The following RFWD3 variants were observed in gnomAD, a reference collection of about 807,000 sequenced individuals.
The protein encoded by RFWD3 is E3 ubiquitin-protein ligase RFWD3.
RFWD3 carries 65 observed loss-of-function variants against 87.7 expected under a neutral mutation model. That is an observed-to-expected ratio of 0.74 (90% CI 0.61 to 0.91). The LOEUF (loss-of-function observed/expected upper bound fraction) is 0.91. Ranked by LOEUF, RFWD3 falls within the 40% of genes least tolerant of loss-of-function variation. The probability of loss-of-function intolerance (pLI) is 0.00; values close to 1 mark genes in which losing one functional copy is unlikely to be tolerated. For synonymous variants in RFWD3, 433 were observed against 352.8 expected (o/e 1.23, Z -2.55); for missense variants, 1,078 against 938.5 (o/e 1.15, Z -1.94).
chr16:74,639,161 C>T lies in RFWD3; in HGVS notation c.1080-1191G>A, dbSNP rs117776886. On this transcript the variant is annotated intron_variant, in intron 6 of 12. Coordinates refer to ENST00000361070, the MANE Select transcript of RFWD3 (RefSeq NM_018124.4). ...TCAAGAGATTTCTTGCCTCAGCCTC[C>T]CAAGTAGCTGAGATGACCGGCACCT... 5.6e-4 allele frequency among the ~76,000 whole-genome samples: 85 copies of T among 151,948 alleles called. 5 individuals are homozygous for T. The East Asian group carries it at 0.016, about 29-fold the overall frequency.
At chr16:74,656,693 G>C (rs1243311184) in intron 2 of RFWD3, among the ~76,000 whole-genome samples, 2 of 152,068 alleles carry the variant, frequency 1.3e-5, no homozygotes, top group African/African-American at 2.4e-5. Flanking sequence ...CCTGAGCTCA[G>C]GCAATCTGCC....
chr16:74,635,990 C>T (rs1390578332), intron 8 of RFWD3, among the ~76,000 whole-genome samples: 1 of 152,082 alleles, frequency 6.6e-6, no homozygotes, highest in Non-Finnish European at 1.5e-5. Context: ...TTTGTTTCAC[C>T]TTGAATTAAC....
intron 1 of RFWD3, among the ~76,000 whole-genome samples, chr16:74,662,671 G>A (rs1297355981): frequency 1.3e-5 from 2 of 152,174 alleles, no homozygotes; most frequent in South Asian, 2.1e-4. Context: ...GGTCCCTGAT[G>A]AGCATGGGTT....
chr16:74,630,588 T>C (rs1959062602), intron 10 of RFWD3, among the ~76,000 whole-genome samples, 193 bp downstream of exon 10: 1 of 152,236 alleles, frequency 6.6e-6, no homozygotes, highest in African/African-American at 2.4e-5. Flanking sequence ...GAACTCTCCA[T>C]CATATGAAAT....
intron 1 of RFWD3, among the ~76,000 whole-genome samples, chr16:74,666,041 AGAGAGG>A (rs895891877): frequency 3.3e-4 from 50 of 151,836 alleles, no homozygotes; most frequent in Non-Finnish European, 6.2e-4. Context: ...AGGGAGGAAG[AGAGAGG>A]GAGAGGGAGA....
intron 11 of RFWD3, among the ~76,000 whole-genome samples, chr16:74,627,671 A>T (rs995197508): frequency 1.3e-5 from 2 of 152,208 alleles, no homozygotes; most frequent in African/African-American, 4.8e-5. Context: ...CCACAAGGGT[A>T]CCTGCCAGTA....
rs759556308 is a variant in RFWD3, at chr16:74,637,122, TAA to T, written c.1195-547_1195-546del. Among the ~76,000 whole-genome samples, 243 of 101,792 alleles carry T rather than the reference TAA, an allele frequency of 2.4e-3. 1 individual carries two copies. The highest frequency in any genetic ancestry group is 8.8e-3 in the African/African-American group (230 of 26,204). 66.8% of individuals were successfully genotyped at this position (101,792 alleles called of 152,430 possible). ...AATGGTGGTTTCGTTTAAAGTCCTT[TAA>T]AAAAAAAAAAAAAAAAAAAAACAAC... On this transcript the variant is annotated intron_variant, in intron 7 of 12. Transcript: ENST00000361070.
intron 2 of RFWD3, among the ~76,000 whole-genome samples, chr16:74,658,155 T>C (rs1481304838): frequency 6.6e-6 from 1 of 152,176 alleles, no homozygotes; most frequent in Non-Finnish European, 1.5e-5. Flanking sequence ...TTACCAACTT[T>C]GAATTTTGCT....
At chr16:74,662,376 G>C (rs572754208) in intron 1 of RFWD3, among the ~76,000 whole-genome samples, 4 of 152,082 alleles carry the variant, frequency 2.6e-5, no homozygotes, top group African/African-American at 4.8e-5. Context: ...TCAACTAATA[G>C]TTATTAAGCA....
chr16:74,648,774 CA>C (rs916968117), intron 4 of RFWD3, among the ~76,000 whole-genome samples: 7 of 145,182 alleles, frequency 4.8e-5, no homozygotes, highest in African/African-American at 1.8e-4. Context: ...GACTCCGTCT[CA>C]AAAAAAAAGA....
intron 2 of RFWD3, among the ~76,000 whole-genome samples, chr16:74,654,522 C>A (rs952091603): frequency 2.0e-5 from 3 of 152,066 alleles, no homozygotes; most frequent in African/African-American, 7.2e-5. Flanking sequence ...CTTGGGATTC[C>A]TTATTCCCTG....
At chr16:74,656,016 GTC>G (rs1311717898) in intron 2 of RFWD3, among the ~76,000 whole-genome samples, 1 of 152,098 alleles carries the variant, frequency 6.6e-6, no homozygotes, top group African/African-American at 2.4e-5. Context: ...TTATTTTCAT[GTC>G]TGTTAATATA....
chr16:74,621,403 T>C lies in RFWD3; in HGVS notation c.*2525A>G, dbSNP rs913427027. 1.3e-5 allele frequency: 2 copies of C among 152,314 alleles called. No homozygotes were observed. Among genetic ancestry groups the C allele is most frequent in the South Asian group, 2.1e-4 (1 of 4,826 alleles). The allele number at this position is 152,314 out of a possible 1,614,324, so 9.4% of individuals were successfully genotyped here. On this transcript the variant is annotated 3_prime_UTR_variant, in exon 13 of 13. Coordinates refer to ENST00000361070, the MANE Select transcript of RFWD3 (RefSeq NM_018124.4). ...AAAAGGCACTAGGAGCCATTATACA[T>C]AGCAAATTCTTTATTTTCATATTAA...
At chr16:74,636,317 C>T (rs764816178) in intron 8 of RFWD3, 29 bp downstream of exon 8, 12 of 1,584,122 alleles carry the variant, frequency 7.6e-6, no homozygotes, top group South Asian at 6.6e-5. Flanking sequence ...TAATAAAGAA[C>T]ATGAAAGCTG....
In RFWD3 at chr16:74,623,841, CAATA is replaced by C. The variant is rs1958839316; in HGVS notation, c.*83_*86del. On this transcript the variant is annotated 3_prime_UTR_variant, in exon 13 of 13. Coordinates refer to ENST00000361070, the MANE Select transcript of RFWD3 (RefSeq NM_018124.4). ...GATTCCCAATGTTCTAGACTGCAGACAATAAACAGGGATCTTGCTTGGGGCTGCT... is the reference window on the plus strand; with the variant it reads ...GATTCCCAATGTTCTAGACTGCAGACAACAGGGATCTTGCTTGGGGCTGCT... 4 of 1,421,258 alleles carry C rather than the reference CAATA, an allele frequency of 2.8e-6. No individual in the cohort carries two copies. The highest frequency in any genetic ancestry group is 3.9e-6 in the Non-Finnish European group (4 of 1,021,204). 88.0% of individuals were successfully genotyped at this position (1,421,258 alleles called of 1,614,324 possible). A position where few individuals can be genotyped will look rare whatever the true frequency, so the allele number is the denominator to read the frequency against.
At chr16:74,655,406 A>ATT (rs771700177) in intron 2 of RFWD3, among the ~76,000 whole-genome samples, 17 of 143,840 alleles carry the variant, frequency 1.2e-4, no homozygotes, top group Non-Finnish European at 2.1e-4. Context: ...CGCCTGGCTA[A>ATT]TTTTTTTTTT....
At chr16:74,661,886 G>A (rs1301872465) in intron 1 of RFWD3, among the ~76,000 whole-genome samples, 1 of 151,852 alleles carries the variant, frequency 6.6e-6, no homozygotes, top group South Asian at 2.1e-4. Flanking sequence ...CAGTTACAAG[G>A]GATAAATAGA....
At chr16:74,637,155 A>T (rs563076175) in intron 7 of RFWD3, among the ~76,000 whole-genome samples, 26 of 150,354 alleles carry the variant, frequency 1.7e-4, no homozygotes, top group Non-Finnish European at 3.3e-4. Context: ...ACAACTTAAA[A>T]GGAGACAGGG....
chr16:74,661,501 C>A, intron 1 of RFWD3, 50 bp from the exon 2 acceptor site: 1 of 1,409,254 alleles, frequency 7.1e-7, no homozygotes, highest in Non-Finnish European at 9.7e-7. Context: ...ATAAAACATG[C>A]TATGTAGGTG....
Sources: allele counts gnomAD v4.1 joint callset (sites outside exome capture counted in the v4.1 genomes callset), GRCh38; gene constraint gnomAD v4.1.1; transcripts MANE v1.5; gene names NCBI Gene and HGNC (gene_info 2026-07-23, HGNC 2026-07-21).